CDH18: variants seen among roughly 807,000 people sequenced by gnomAD.
CDH18 encodes cadherin-18.
In CDH18, 31 loss-of-function variants were observed where a neutral mutation model predicts 67.9. The observed-to-expected ratio is 0.46, with a 90% CI of 0.34 to 0.62. The LOEUF is 0.62. Ranked by LOEUF, CDH18 falls within the 20% of genes least tolerant of loss-of-function variation. The pLI, the probability that CDH18 is intolerant of heterozygous loss-of-function variation, is 0.01. For synonymous variants in CDH18, 362 were observed against 347.2 expected (o/e 1.04, Z -0.48); for missense variants, 890 against 975.5 (o/e 0.91, Z 1.17).
intron 10 of CDH18, among the ~76,000 whole-genome samples, chr5:19,514,159 C>T (rs1037853117): frequency 6.6e-6 from 1 of 152,194 alleles, no homozygotes; most frequent in Non-Finnish European, 1.5e-5. Flanking sequence ...ATCCACGTCC[C>T]TACAAAGGAC....
intron 11 of CDH18, among the ~76,000 whole-genome samples, chr5:19,497,509 C>T (rs1266367625): frequency 6.6e-6 from 1 of 152,138 alleles, no homozygotes; most frequent in African/African-American, 2.4e-5. Flanking sequence ...TGTTCTGCAA[C>T]GTTCAGGTGA....
At chr5:20,547,160 T>C (rs1049790719) in intron 1 of CDH18, among the ~76,000 whole-genome samples, 1 of 152,276 alleles carries the variant, frequency 6.6e-6, no homozygotes, top group East Asian at 1.9e-4. Context: ...ATTCAATTTA[T>C]GTTAGAAAGT....
At chr5:20,427,668 C>T (rs1273048126) in intron 1 of CDH18, among the ~76,000 whole-genome samples, 2 of 151,052 alleles carry the variant, frequency 1.3e-5, no homozygotes, top group African/African-American at 2.5e-5. Flanking sequence ...GCAATTCAGC[C>T]GATTTCCTCC....
intron 3 of CDH18, among the ~76,000 whole-genome samples, chr5:19,786,202 TTTCTATTCA>T (rs1247445238): frequency 6.6e-6 from 1 of 152,168 alleles, no homozygotes; most frequent in Non-Finnish European, 1.5e-5. Context: ...AGTTCTCACA[TTTCTATTCA>T]GCAATAATGA....
intron 1 of CDH18, among the ~76,000 whole-genome samples, chr5:20,392,475 A>T (rs1448779862): frequency 6.6e-6 from 1 of 151,884 alleles, no homozygotes; most frequent in African/African-American, 2.4e-5. Context: ...TGAGAACTCA[A>T]TTCATATATA....
intron 3 of CDH18, among the ~76,000 whole-genome samples, chr5:19,826,660 G>T (rs1276745576): frequency 6.6e-6 from 1 of 152,078 alleles, no homozygotes; most frequent in Admixed American, 6.6e-5. Flanking sequence ...GAGAAATAAG[G>T]TTCTTTTCAG....
At chr5:20,210,530 G>A (rs1331924673) in intron 2 of CDH18, among the ~76,000 whole-genome samples, 1 of 151,896 alleles carries the variant, frequency 6.6e-6, no homozygotes, top group Non-Finnish European at 1.5e-5. Context: ...AATCTGAACA[G>A]TTTAAATATT....
In CDH18 at chr5:20,203,093, A is replaced by G. The variant is rs73762533; in HGVS notation, c.-518+52351T>C. 6.9e-3 allele frequency among the ~76,000 whole-genome samples: 1,046 copies of G among 152,128 alleles called. 12 individuals carry two copies. Among genetic ancestry groups the G allele is most frequent in the African/African-American group, 0.024 (1,013 of 41,502 alleles). The stretch of plus-strand genomic sequence containing the variant: ...TATGTCTTTGATGGTGCTCTCCCCA[A>G]TCCGCCTGGCACCAAGCCTGTGAAA... On this transcript the variant is annotated intron_variant, in intron 2 of 14. Coordinates refer to the CDH18 transcript ENST00000507958.
At chr5:19,741,827 C>T (rs1305491211) in intron 4 of CDH18, among the ~76,000 whole-genome samples, 1 of 151,956 alleles carries the variant, frequency 6.6e-6, no homozygotes, top group African/African-American at 2.4e-5. Context: ...CTGAAGACAC[C>T]ATCACTTTGT....
At chr5:20,233,553 T>C (rs562816377) in intron 2 of CDH18, among the ~76,000 whole-genome samples, 8 of 152,040 alleles carry the variant, frequency 5.3e-5, no homozygotes, top group Non-Finnish European at 1.0e-4. Flanking sequence ...AATGTTCCTA[T>C]TTGCTAATTT....
At chr5:19,746,892 T>C (rs931599275) in intron 4 of CDH18, 50 bp downstream of exon 4, 51 of 1,502,366 alleles carry the variant, frequency 3.4e-5, no homozygotes, top group Non-Finnish European at 4.6e-5. Context: ...GATGACTTTT[T>C]GATTTTCTTA....
chr5:19,804,951 A>ATTT (rs35396228), intron 3 of CDH18, among the ~76,000 whole-genome samples: 6 of 147,978 alleles, frequency 4.1e-5, no homozygotes, highest in African/African-American at 1.5e-4. Flanking sequence ...TATTATTATG[A>ATTT]TTTTTTTTTT....
chr5:20,193,637 A>T (rs1305159811), intron 2 of CDH18, among the ~76,000 whole-genome samples: 1 of 152,100 alleles, frequency 6.6e-6, no homozygotes, highest in Non-Finnish European at 1.5e-5. Flanking sequence ...TCGGGAAGAG[A>T]CACAACAAAA....
intron 2 of CDH18, among the ~76,000 whole-genome samples, chr5:20,231,090 A>G (rs563057706): frequency 2.0e-4 from 31 of 152,300 alleles, no homozygotes; most frequent in Middle Eastern, 3.4e-3. Flanking sequence ...ATTCATGGCC[A>G]CTGCTACTAT....
chr5:19,528,103 A>G (rs1748025536), intron 9 of CDH18, among the ~76,000 whole-genome samples: 1 of 151,852 alleles, frequency 6.6e-6, no homozygotes, highest in Non-Finnish European at 1.5e-5. Flanking sequence ...TATTCTTGTG[A>G]AAATGTCACA....
chr5:20,278,783 T>C (rs1399782416), intron 1 of CDH18, among the ~76,000 whole-genome samples: 2 of 152,166 alleles, frequency 1.3e-5, no homozygotes, highest in Non-Finnish European at 2.9e-5. Flanking sequence ...TTTGACAGTC[T>C]GATTGCTTAT....
At position 19,708,477 on chromosome 5, in the gene CDH18, G is replaced by A. The variant is rs539123775; in HGVS notation, c.643+12870C>T. Among the ~76,000 whole-genome samples the A allele has an allele frequency of 4.6e-5, 7 of 152,174 alleles. No homozygotes were observed. In the East Asian group the frequency reaches 1.2e-3, roughly 25 times the overall value. ...AAAGGGGGGGACATGTTGGGAACAG[G>A]CCCCCAAATCTGGCCATAAACAGGC... On this transcript the variant is annotated intron_variant, in intron 5 of 12. Transcript: ENST00000382275.
intron 1 of CDH18, among the ~76,000 whole-genome samples, chr5:20,278,198 T>C (rs1358389442): frequency 6.6e-6 from 1 of 152,072 alleles, no homozygotes; most frequent in Non-Finnish European, 1.5e-5. Flanking sequence ...AAATAAACTA[T>C]GTCAAGATAT....
chr5:19,499,001 A>G (rs1393603334), intron 11 of CDH18, among the ~76,000 whole-genome samples: 1 of 152,144 alleles, frequency 6.6e-6, no homozygotes, highest in Non-Finnish European at 1.5e-5. Flanking sequence ...GATGTCTTTG[A>G]GAACAAGAAA....
Sources: gnomAD v4.1 joint callset for allele counts (sites outside exome capture counted in the v4.1 genomes callset) on GRCh38, gnomAD v4.1.1 for gene constraint, MANE v1.5 for transcripts, NCBI Gene and HGNC (gene_info 2026-07-23, HGNC 2026-07-21) for gene names.